Variants in SRGAP3 observed in about 807,000 individuals in gnomAD.
SRGAP3 encodes the protein SLIT-ROBO Rho GTPase-activating protein 3.
In SRGAP3, 39 loss-of-function variants were observed where a neutral mutation model predicts 121.1. The ratio of observed to expected loss-of-function variants is 0.32; its 90% confidence interval spans 0.25 to 0.42. SRGAP3 has a LOEUF of 0.42. Ranked by LOEUF, SRGAP3 falls within the 10% of genes least tolerant of loss-of-function variation. SRGAP3 has a pLI of 1.00. For synonymous variants in SRGAP3, 601 were observed against 570.0 expected, an observed-to-expected ratio of 1.05 and a Z score of -0.77; for missense variants, 1,213 against 1,470.6, an observed-to-expected ratio of 0.82 and a Z score of 2.86.
intron 1 of SRGAP3, among the ~76,000 whole-genome samples, chr3:9,195,046 T>C (rs1269746219): frequency 6.6e-6 from 1 of 152,222 alleles, no homozygotes; most frequent in Non-Finnish European, 1.5e-5. Flanking sequence ...TATTTGCCAC[T>C]TTCCCTGGTG....
chr3:9,315,792 A>C (rs909635671), intron 3 of SRGAP3, among the ~76,000 whole-genome samples: 3 of 152,200 alleles, frequency 2.0e-5, no homozygotes, highest in Non-Finnish European at 2.9e-5. Context: ...TTTTCTACAA[A>C]ATTTGCTTTC....
intron 2 of SRGAP3, among the ~76,000 whole-genome samples, chr3:9,124,156 A>G (rs2077115): frequency 0.49 from 75,132 of 151,982 alleles, 18,891 homozygotes; most frequent in African/African-American, 0.59. Context: ...AGAGCTTGGG[A>G]TATGAGAAAT....
chr3:9,078,569 T>C (rs1357221669), intron 4 of SRGAP3, among the ~76,000 whole-genome samples: 1 of 152,086 alleles, frequency 6.6e-6, no homozygotes, highest in Non-Finnish European at 1.5e-5. Flanking sequence ...ATGCTCTTTT[T>C]TTCTCTATGT....
intron 10 of SRGAP3, among the ~76,000 whole-genome samples, chr3:9,044,206 A>T (rs1029556610): frequency 2.0e-5 from 3 of 152,224 alleles, no homozygotes; most frequent in Admixed American, 2.0e-4. Context: ...CCATCCTGTC[A>T]AAAGAGTACA....
At chr3:9,068,558 G>A (rs1056886413) in intron 4 of SRGAP3, among the ~76,000 whole-genome samples, 7 of 152,136 alleles carry the variant, frequency 4.6e-5, no homozygotes, top group Admixed American at 2.6e-4. Flanking sequence ...CCACTGCCGA[G>A]GGTGACTTAT....
Position 9,015,651 on chromosome 3 carries a change from G to T in SRGAP3, c.1759C>A (p.Leu587Met). ...TCCTTAGGAAAGAGTGGGTTTTCCA[G>T]TCCTCGGAAATACAGTTTTAAAACA... Reference protein sequence around the residue: ...AGVLKLYFRGLENPLFPKERF... With the variant: ...AGVLKLYFRGMENPLFPKERF... The change falls in exon 15 of 22, where the codon CTG becomes ATG. Residue 587 changes from leucine to methionine, a missense_variant. This residue lies in a region of SRGAP3 where 793 missense variants were observed against 1,032.9 expected (regional missense o/e 0.77). Transcript: ENST00000383836. 6.2e-7 allele frequency: 1 copy of T among 1,614,096 alleles called. No homozygotes were observed. The highest frequency in any genetic ancestry group is 8.5e-7 in the Non-Finnish European group (1 of 1,179,994).
At chr3:9,190,991 C>T (rs989348210) in intron 1 of SRGAP3, among the ~76,000 whole-genome samples, 2 of 152,170 alleles carry the variant, frequency 1.3e-5, no homozygotes, top group East Asian at 1.9e-4. Context: ...GCCCAAGTGT[C>T]GACTTCTTTG....
At chr3:9,323,864 A>T (rs1026904367) in intron 3 of SRGAP3, among the ~76,000 whole-genome samples, 5 of 151,752 alleles carry the variant, frequency 3.3e-5, no homozygotes, top group Non-Finnish European at 7.4e-5. Context: ...AAAAAGGTTT[A>T]AATTATGATA....
At chr3:9,219,808 A>G (rs1952748562) in intron 1 of SRGAP3, among the ~76,000 whole-genome samples, 1 of 152,140 alleles carries the variant, frequency 6.6e-6, no homozygotes, top group African/African-American at 2.4e-5. Context: ...CCAAGATCGC[A>G]CCACTGAACT....
chr3:9,099,345 G>A (rs1216555187), intron 3 of SRGAP3, among the ~76,000 whole-genome samples: 12 of 152,118 alleles, frequency 7.9e-5, no homozygotes, highest in South Asian at 2.1e-4. Flanking sequence ...TTCACATCAC[G>A]GCCGGGGCAA....
intron 2 of SRGAP3, among the ~76,000 whole-genome samples, chr3:9,113,569 A>C (rs1169365209): frequency 6.6e-6 from 1 of 152,220 alleles, no homozygotes; most frequent in Non-Finnish European, 1.5e-5. Context: ...GGACATCAGC[A>C]TAGGAATTTT....
chr3:9,021,057 G>C (rs1943888795), intron 14 of SRGAP3, among the ~76,000 whole-genome samples: 1 of 152,190 alleles, frequency 6.6e-6, no homozygotes, highest in African/African-American at 2.4e-5. Context: ...TCTCATGAGG[G>C]CAGTTCTCTC....
At chr3:9,051,381 A>G (rs1475190640) in intron 9 of SRGAP3, among the ~76,000 whole-genome samples, 1 of 152,174 alleles carries the variant, frequency 6.6e-6, no homozygotes, top group African/African-American at 2.4e-5. Context: ...TAAATTGATT[A>G]AAGTTTGGAA....
chr3:9,357,150 T>G lies in SRGAP3; in HGVS notation n.214+5690A>C, dbSNP rs1464459923. Among the ~76,000 whole-genome samples, 4 of 151,884 alleles carry G rather than the reference T, an allele frequency of 2.6e-5. No homozygotes were observed. The East Asian group carries it at 7.8e-4, about 30-fold the overall frequency. ...TGGTGGTGTGAGCCAGAGGCTGAGG[T>G]GGGAGAGTCGCTTGAGCCTGGGAGC... On this transcript the variant is annotated intron_variant and non_coding_transcript_variant, in intron 1 of 3. Coordinates refer to the SRGAP3 transcript ENST00000490889.
rs1377798552 is a variant in SRGAP3, at chr3:8,985,819, G to A, written c.3000C>T (p.Asn1000=). ...GCTCCGAGCTGACGGGGCCTGGCGG[G>A]TTCTTCAGGGGCTCCAGGGTGTCCA... is the stretch of plus-strand genomic sequence containing the variant. The part of the protein sequence containing the change: ...VVLDTLEPLK[N]PPGPVSSEPA... The change falls in exon 22 of 22, where the codon AAC becomes AAT. Residue 1000 remains asparagine, a synonymous_variant. Coordinates refer to ENST00000383836, the MANE Select transcript of SRGAP3 (RefSeq NM_014850.4). The surrounding 1 kb of genome is among the most constrained non-coding windows in gnomAD (Gnocchi z 5.1). The A allele has an allele frequency of 9.4e-6, 15 of 1,600,578 alleles. No individual in the cohort carries two copies. The East Asian group carries it at 2.9e-4, about 31-fold the overall frequency.
At chr3:9,225,799 G>A (rs1952966754) in intron 1 of SRGAP3, among the ~76,000 whole-genome samples, 1 of 152,196 alleles carries the variant, frequency 6.6e-6, no homozygotes, top group African/African-American at 2.4e-5. Context: ...CAGGTAGGGA[G>A]TTTAGGACCA....
At chr3:8,995,592 C>T (rs554766291) in intron 18 of SRGAP3, among the ~76,000 whole-genome samples, 1 of 152,276 alleles carries the variant, frequency 6.6e-6, no homozygotes, top group Admixed American at 6.5e-5. Flanking sequence ...TGGATTTGGC[C>T]TATGGGATGC....
chr3:9,139,568 G>A (rs1296140880), intron 1 of SRGAP3, among the ~76,000 whole-genome samples: 1 of 152,226 alleles, frequency 6.6e-6, no homozygotes, highest in Non-Finnish European at 1.5e-5. Flanking sequence ...TGGAGGGAGT[G>A]TGGCTCTGGC....
chr3:9,055,172 G>C (rs1480272150), intron 8 of SRGAP3, among the ~76,000 whole-genome samples: 1 of 152,166 alleles, frequency 6.6e-6, no homozygotes, highest in Non-Finnish European at 1.5e-5. Flanking sequence ...TCCCCCTGGG[G>C]ACTGCACTGA....
Sources: allele counts gnomAD v4.1 joint callset (sites outside exome capture counted in the v4.1 genomes callset), GRCh38; gene constraint gnomAD v4.1.1; regional missense constraint gnomAD v4.1.1; non-coding constraint Gnocchi (gnomAD v3.1); transcripts MANE v1.5; gene names NCBI Gene and HGNC (gene_info 2026-07-23, HGNC 2026-07-21).